Variants in TP53BP1 observed in about 807,000 individuals in gnomAD.
TP53BP1 encodes tumor protein p53 binding protein 1.
TP53BP1 carries 61 observed loss-of-function variants against 200.8 expected under a neutral mutation model. The observed-to-expected ratio is 0.30, with a 90% CI of 0.25 to 0.38. The LOEUF is 0.38. TP53BP1 is among the 10% of genes least tolerant of loss of function. TP53BP1 has a pLI of 1.00. For missense variants in TP53BP1, 2,144 were observed against 2,371.9 expected, an observed-to-expected ratio of 0.90 and a Z score of 2.00; for synonymous variants, 822 against 844.3, an observed-to-expected ratio of 0.97 and a Z score of 0.46.
chr15:43,406,831 T>C lies in TP53BP1; in HGVS notation c.*552A>G. On this transcript the variant is annotated 3_prime_UTR_variant, in exon 28 of 28. Transcript: ENST00000382044. ...TATGGTCACTGTCCCTTCATGGCAG[T>C]TGGTCCTTTCGTTCTCCCTTTAGCT... 3.1e-6 allele frequency: 1 copy of C among 327,034 alleles called. No homozygotes were observed. Among genetic ancestry groups the C allele is most frequent in the Middle Eastern group, 1.1e-3 (1 of 942 alleles). 20.3% of individuals were successfully genotyped at this position (327,034 alleles called of 1,614,324 possible). A position where few individuals can be genotyped will look rare whatever the true frequency, so the allele number is the denominator to read the frequency against.
At chr15:43,407,743 T>G (rs2044959461) in intron 27 of TP53BP1, 173 bp from the exon 28 acceptor site, 2 of 782,644 alleles carry the variant, frequency 2.6e-6, no homozygotes, top group Non-Finnish European at 4.0e-6. Context: ...CACTATGTGC[T>G]GACCTTGTAG....
At chr15:43,496,863 C>T (rs561151287), upstream of TP53BP1, among the ~76,000 whole-genome samples, 3 of 152,196 alleles carry the variant, frequency 2.0e-5, no homozygotes, top group South Asian at 4.1e-4. Context: ...TCAGGTGATC[C>T]GCCCACCTCA....
chr15:43,506,718 C>T (rs1406999658), intron 1 of TP53BP1, among the ~76,000 whole-genome samples: 1 of 152,190 alleles, frequency 6.6e-6, no homozygotes, highest in African/African-American at 2.4e-5. Context: ...TGAAACAAAA[C>T]AGGAGGCTCC....
chr15:43,481,966 G>A (rs758863698), intron 4 of TP53BP1, among the ~76,000 whole-genome samples: 3 of 151,202 alleles, frequency 2.0e-5, no homozygotes, highest in East Asian at 2.0e-4. Context: ...GGTGGCTCAC[G>A]CCTGTAATCC....
At chr15:43,477,057 G>A (rs561303479) in intron 8 of TP53BP1, among the ~76,000 whole-genome samples, 189 of 152,240 alleles carry the variant, frequency 1.2e-3, no homozygotes, top group Non-Finnish European at 2.2e-3. Context: ...GCCCAGCACT[G>A]TGGGAGGCCA....
chr15:43,488,144 A>T (rs1221224839), intron 4 of TP53BP1, among the ~76,000 whole-genome samples: 1 of 151,750 alleles, frequency 6.6e-6, no homozygotes, highest in Non-Finnish European at 1.5e-5. Context: ...ACAAAAAGTT[A>T]AAAAATTAGT....
chr15:43,442,904 C>T (rs1181260070), intron 14 of TP53BP1, among the ~76,000 whole-genome samples: 2 of 140,378 alleles, frequency 1.4e-5, no homozygotes, highest in Non-Finnish European at 3.0e-5. Context: ...CAGCTCACTG[C>T]AACCTCCGCC....
chr15:43,467,617 C>T (rs545655224), intron 11 of TP53BP1, among the ~76,000 whole-genome samples: 1 of 151,940 alleles, frequency 6.6e-6, no homozygotes, highest in African/African-American at 2.4e-5. Flanking sequence ...GTCCATTCTC[C>T]CTTTGTGGCC....
intron 1 of TP53BP1, among the ~76,000 whole-genome samples, chr15:43,498,631 C>G (rs984415696): frequency 3.3e-5 from 5 of 152,102 alleles, no homozygotes; most frequent in Non-Finnish European, 7.4e-5. Context: ...AAGACAAAAC[C>G]ATTAAATGTA....
At chr15:43,440,430 G>A (rs916958368) in intron 15 of TP53BP1, among the ~76,000 whole-genome samples, 1 of 151,924 alleles carries the variant, frequency 6.6e-6, no homozygotes, top group Non-Finnish European at 1.5e-5. Context: ...CAGGAGAATG[G>A]TGTGGACCCG....
chr15:43,420,020 G>C (rs562714614), intron 21 of TP53BP1, among the ~76,000 whole-genome samples: 11 of 152,298 alleles, frequency 7.2e-5, no homozygotes, highest in South Asian at 2.1e-4. Context: ...GTCAACAATA[G>C]GGAAAGCTGG....
intron 26 of TP53BP1, chr15:43,408,583 G>A (rs1255691234): frequency 6.0e-6 from 2 of 335,338 alleles, no homozygotes; most frequent in East Asian, 6.1e-5. Flanking sequence ...GTTTGTTCTG[G>A]GGCTGAGAAT....
chr15:43,480,048 C>T (rs1395995123), intron 5 of TP53BP1, 31 bp from the exon 6 acceptor site: 1 of 1,601,852 alleles, frequency 6.2e-7, no homozygotes, highest in Non-Finnish European at 8.5e-7. Context: ...AATTAGGTAT[C>T]ATCCCACAAC....
At position 43,441,511 on chromosome 15, in the gene TP53BP1, T is replaced by G; in HGVS notation, c.3098+15A>C. On this transcript the variant is annotated intron_variant, in intron 15 of 27. Coordinates refer to ENST00000382044, the MANE Select transcript of TP53BP1 (RefSeq NM_001141980.3). The stretch of plus-strand genomic sequence containing the variant: ...GCTGTGTATTAAACTCTAAATAGCA[T>G]CCAGCTTTGGTTACCTGGCAACAGA... The G allele has an allele frequency of 8.8e-6, 14 of 1,592,184 alleles. No individual in the cohort carries two copies. The highest frequency in any genetic ancestry group is 1.2e-5 in the Non-Finnish European group (14 of 1,160,124).
In TP53BP1 at chr15:43,405,048, A is replaced by G; in HGVS notation, c.*2335T>C. ...TTCTCTCTAAAATGTCTGCAAGCAG[A>G]TTTTTTTCTAAGCTATTGTAGCAGA... On this transcript the variant is annotated 3_prime_UTR_variant, in exon 28 of 28. Coordinates refer to ENST00000382044, the MANE Select transcript of TP53BP1 (RefSeq NM_001141980.3). The G allele has an allele frequency of 1.2e-6, 1 of 809,652 alleles. No homozygotes were observed. Among genetic ancestry groups the G allele is most frequent in the South Asian group, 1.9e-5 (1 of 53,510 alleles). 50.2% of individuals were successfully genotyped at this position (809,652 alleles called of 1,614,324 possible). A position where few individuals can be genotyped will look rare whatever the true frequency, so the allele number is the denominator to read the frequency against.
At chr15:43,455,567 C>T (rs934365788) in intron 12 of TP53BP1, among the ~76,000 whole-genome samples, 3 of 151,782 alleles carry the variant, frequency 2.0e-5, no homozygotes, top group Non-Finnish European at 4.4e-5. Flanking sequence ...TAAAAATACA[C>T]AAAAATTAGC....
Position 43,441,519 on chromosome 15 carries a change from T to C in TP53BP1, c.3098+7A>G, listed in dbSNP as rs756976504. The stretch of plus-strand genomic sequence containing the variant: ...TTAAACTCTAAATAGCATCCAGCTT[T>C]GGTTACCTGGCAACAGACTCAGCAA... On this transcript the variant is annotated splice_region_variant and intron_variant, in intron 15 of 27. Transcript: ENST00000382044. 6 of 1,605,050 alleles carry C rather than the reference T, an allele frequency of 3.7e-6. No individual in the cohort carries two copies. The highest frequency in any genetic ancestry group is 5.1e-6 in the Non-Finnish European group (6 of 1,171,732).
In TP53BP1 at chr15:43,405,233, T is replaced by G; in HGVS notation, c.*2150A>C. 6.2e-7 allele frequency: 1 copy of G among 1,614,030 alleles called. No homozygotes were observed. Among genetic ancestry groups the G allele is most frequent in the Non-Finnish European group, 8.5e-7 (1 of 1,179,904 alleles). ...GATGTGAAAATTTCTGGCTCATAAA[T>G]TGAAATAACAGCCACGTTCCCAAGG... is the stretch of plus-strand genomic sequence containing the variant. On this transcript the variant is annotated 3_prime_UTR_variant, in exon 28 of 28. Transcript: ENST00000382044.
intron 26 of TP53BP1, 150 bp from the exon 27 acceptor site, chr15:43,408,238 G>GATT: frequency 1.2e-6 from 1 of 809,126 alleles, no homozygotes; most frequent in Non-Finnish European, 1.9e-6. Context: ...AGCACTTTGG[G>GATT]AGGCTGTCGT....
Sources: gnomAD v4.1 joint callset for allele counts (sites outside exome capture counted in the v4.1 genomes callset) on GRCh38, gnomAD v4.1.1 for gene constraint, MANE v1.5 for transcripts, NCBI Gene and HGNC (gene_info 2026-07-23, HGNC 2026-07-21) for gene names.